Variants in DAB1 observed in about 807,000 individuals in gnomAD.
The protein encoded by DAB1 is DAB adaptor protein 1, also known as disabled homolog 1.
Under a neutral mutation model 64.6 loss-of-function variants are expected in DAB1, and 15 were observed. That is an observed-to-expected ratio of 0.23 (90% CI 0.16 to 0.36). DAB1 has a LOEUF of 0.36. Among genes scored for constraint, DAB1 ranks in the 10% least tolerant of loss-of-function variants. The pLI is 1.00. For synonymous variants in DAB1, 235 were observed against 251.9 expected, an observed-to-expected ratio of 0.93 and a Z score of 0.64; for missense variants, 596 against 706.7, an observed-to-expected ratio of 0.84 and a Z score of 1.78.
At chr1:58,392,550 T>C (rs1644484069) in intron 3 of DAB1, among the ~76,000 whole-genome samples, 1 of 152,204 alleles carries the variant, frequency 6.6e-6, no homozygotes, top group Non-Finnish European at 1.5e-5. Context: ...GGTTCTGTTC[T>C]ATCTGTCCAG....
At chr1:58,485,321 T>C (rs1170451899) in intron 3 of DAB1, among the ~76,000 whole-genome samples, 1 of 149,646 alleles carries the variant, frequency 6.7e-6, no homozygotes, top group Admixed American at 6.6e-5. Flanking sequence ...TTGCTCTACA[T>C]GCTTTTTGTG....
At chr1:57,149,097 T>C (rs1447349689) in intron 2 of DAB1, among the ~76,000 whole-genome samples, 2 of 152,238 alleles carry the variant, frequency 1.3e-5, no homozygotes, top group Admixed American at 6.5e-5. Flanking sequence ...TGTTATTTTA[T>C]AATATACAAT....
intron 14 of DAB1, among the ~76,000 whole-genome samples, chr1:57,003,920 T>G (rs1645965553): frequency 6.6e-6 from 1 of 152,196 alleles, no homozygotes. Context: ...CAACTCCCTA[T>G]CTCAGTGCCA....
chr1:57,919,101 T>A (rs1229567063), intron 5 of DAB1, among the ~76,000 whole-genome samples: 1 of 152,212 alleles, frequency 6.6e-6, no homozygotes, highest in Non-Finnish European at 1.5e-5. Context: ...GGTCCTCCCA[T>A]TCACTATGTG....
intron 1 of DAB1, among the ~76,000 whole-genome samples, chr1:57,334,947 T>C (rs191134893): frequency 3.7e-4 from 56 of 152,294 alleles, no homozygotes; most frequent in Non-Finnish European, 3.1e-4. Flanking sequence ...AGGTATCCCA[T>C]AGCTAGAAAC....
At chr1:57,415,246 A>AACACACACACACACAC (rs111517848) in intron 1 of DAB1, among the ~76,000 whole-genome samples, 17 of 143,328 alleles carry the variant, frequency 1.2e-4, no homozygotes, top group African/African-American at 4.4e-4. Context: ...TACCTCACAC[A>AACACACACACACACAC]ACACACACAC....
intron 5 of DAB1, chr1:58,056,017 T>C: frequency 1.3e-6 from 1 of 743,358 alleles, no homozygotes; most frequent in Non-Finnish European, 2.3e-6. Flanking sequence ...AAATTCCAGG[T>C]GTGAGCCACC....
intron 5 of DAB1, among the ~76,000 whole-genome samples, chr1:58,130,675 T>C (rs1478577681): frequency 6.6e-6 from 1 of 151,926 alleles, no homozygotes; most frequent in African/African-American, 2.4e-5. Flanking sequence ...TCTCTCAGCA[T>C]TTGCTTGTCT....
At chr1:57,878,938 G>T (rs1592337) in intron 1 of DAB1, among the ~76,000 whole-genome samples, 51,703 of 151,718 alleles carry the variant, frequency 0.34, 9,006 homozygotes, top group African/African-American at 0.38. Context: ...TGTCTTCCTG[G>T]GCCTGGATTA....
At chr1:58,053,309 G>C (rs962913790) in intron 5 of DAB1, among the ~76,000 whole-genome samples, 2 of 152,178 alleles carry the variant, frequency 1.3e-5, no homozygotes, top group African/African-American at 2.4e-5. Flanking sequence ...CTGATGTCTG[G>C]AAAGGTTCAA....
chr1:57,711,148 A>G (rs940095268), intron 6 of DAB1, among the ~76,000 whole-genome samples: 3 of 152,124 alleles, frequency 2.0e-5, no homozygotes, highest in African/African-American at 7.2e-5. Flanking sequence ...CATCCTCCTA[A>G]CCTGATGCCC....
intron 5 of DAB1, among the ~76,000 whole-genome samples, chr1:57,913,665 G>A (rs1033010558): frequency 1.3e-4 from 20 of 152,110 alleles, no homozygotes; most frequent in African/African-American, 4.3e-4. Context: ...GCAACCTACA[G>A]AATGGGAGAA....
intron 7 of DAB1, among the ~76,000 whole-genome samples, chr1:57,548,749 C>A (rs1198255024): frequency 6.6e-6 from 1 of 152,130 alleles, no homozygotes; most frequent in Non-Finnish European, 1.5e-5. Context: ...CTGGGCCTAC[C>A]AGATGGATAT....
intron 4 of DAB1, among the ~76,000 whole-genome samples, chr1:58,196,181 A>C (rs1302820418): frequency 6.6e-6 from 1 of 152,218 alleles, no homozygotes; most frequent in Non-Finnish European, 1.5e-5. Flanking sequence ...AAGCTGAGAA[A>C]GGTATTACAA....
At chr1:57,571,114 A>G (rs1356716400) in intron 7 of DAB1, among the ~76,000 whole-genome samples, 4 of 152,128 alleles carry the variant, frequency 2.6e-5, no homozygotes, top group Non-Finnish European at 4.4e-5. Flanking sequence ...ATGAGCCTTT[A>G]GGGTTTTCTA....
chr1:57,846,455 CAAAAAAAA>C (rs71051260), intron 1 of DAB1, among the ~76,000 whole-genome samples: 1 of 113,700 alleles, frequency 8.8e-6, no homozygotes, highest in Non-Finnish European at 1.8e-5. Context: ...AAGACTCCAT[CAAAAAAAA>C]AAAAAAAAAA....
intron 7 of DAB1, among the ~76,000 whole-genome samples, chr1:57,445,875 A>G (rs1334675500): frequency 6.6e-6 from 1 of 152,230 alleles, no homozygotes; most frequent in Non-Finnish European, 1.5e-5. Flanking sequence ...TGATTCTGGT[A>G]TAGGTTTAAT....
chr1:57,519,640 A>G (rs1217270217), intron 7 of DAB1, among the ~76,000 whole-genome samples: 1 of 152,152 alleles, frequency 6.6e-6, no homozygotes, highest in Non-Finnish European at 1.5e-5. Flanking sequence ...TGGAATCACA[A>G]AAGAATAGAT....
chr1:57,279,659 G>A (rs1466910149), intron 2 of DAB1, among the ~76,000 whole-genome samples: 1 of 152,248 alleles, frequency 6.6e-6, no homozygotes, highest in Non-Finnish European at 1.5e-5. Flanking sequence ...TTTATCCACA[G>A]TTGGTTGAAT....
Sources: gnomAD v4.1 joint callset for allele counts (sites outside exome capture counted in the v4.1 genomes callset) on GRCh38, gnomAD v4.1.1 for gene constraint, MANE v1.5 for transcripts, NCBI Gene and HGNC (gene_info 2026-07-23, HGNC 2026-07-21) for gene names.